Variants in TMEM219 observed in about 807,000 individuals in gnomAD.
The protein encoded by TMEM219 is insulin-like growth factor-binding protein 3 receptor.
A neutral mutation model predicts 17.9 loss-of-function variants in TMEM219; 18 were observed. That is an observed-to-expected ratio of 1.01 (90% confidence interval 0.70 to 1.49). The LOEUF (loss-of-function observed/expected upper bound fraction) is 1.49, where lower values mean the gene tolerates loss of function less well. Among genes scored for constraint, TMEM219 ranks in the 40% most tolerant of loss-of-function variants. The pLI is 0.00. For missense variants in TMEM219, 288 were observed against 292.4 expected, an observed-to-expected ratio of 0.99 and a Z score of 0.11; for synonymous variants, 113 against 124.0, an observed-to-expected ratio of 0.91 and a Z score of 0.59.
chr16:29,963,322 C>A lies in TMEM219; in HGVS notation c.165+14C>A. 1.2e-6 allele frequency: 2 copies of A among 1,613,986 alleles called. No homozygotes were observed. The highest frequency in any genetic ancestry group is 1.7e-6 in the Non-Finnish European group (2 of 1,179,850). Reference sequence around the variant, plus strand: ...GACATCCCCCAGGTAAGTTCCCCACCCCCGTACCCGCTCTTCCTTCCAACC... The same window carrying A: ...GACATCCCCCAGGTAAGTTCCCCACACCCGTACCCGCTCTTCCTTCCAACC... On this transcript the variant is annotated intron_variant, in intron 2 of 5. Transcript: ENST00000279396.
At chr16:29,971,628 G>C (rs1189351012) in intron 5 of TMEM219, 50 bp downstream of exon 5, 13 of 1,436,948 alleles carry the variant, frequency 9.0e-6, no homozygotes, top group Non-Finnish European at 1.2e-5. Flanking sequence ...GGGTGGGGGT[G>C]GGGGTTGTAA....
chr16:29,970,949 GA>G (rs1176077474), intron 4 of TMEM219, among the ~76,000 whole-genome samples: 1,311 of 94,816 alleles, frequency 0.014, 9 homozygotes, highest in African/African-American at 0.036. Flanking sequence ...GCCTCAAAAA[GA>G]AAAAAAAAAA....
At chr16:29,971,349 T>C in intron 4 of TMEM219, 59 bp from the exon 5 acceptor site, 1 of 1,607,198 alleles carries the variant, frequency 6.2e-7, no homozygotes. Flanking sequence ...AGGCTCCTTC[T>C]ATAGCCCTTG....
chr16:29,969,550 A>G (rs1014112580), intron 4 of TMEM219, among the ~76,000 whole-genome samples: 1 of 151,726 alleles, frequency 6.6e-6, no homozygotes, highest in African/African-American at 2.4e-5. Context: ...GTGGTGGTAC[A>G]CACCTATAGT....
chr16:29,971,255 A>T (rs1343610886), intron 4 of TMEM219, among the ~76,000 whole-genome samples, 153 bp from the exon 5 acceptor site: 2 of 151,730 alleles, frequency 1.3e-5, no homozygotes, highest in African/African-American at 4.8e-5. Context: ...CAAAAAAAAA[A>T]AAAAAAGACA....
At chr16:29,964,728 C>G (rs1183025474) in intron 3 of TMEM219, among the ~76,000 whole-genome samples, 1 of 148,560 alleles carries the variant, frequency 6.7e-6, no homozygotes, top group South Asian at 2.2e-4. Context: ...ACTGTGGGGT[C>G]GGGTATCAGA....
intron 1 of TMEM219, among the ~76,000 whole-genome samples, chr16:29,962,417 C>T (rs1170298791): frequency 1.3e-5 from 2 of 152,150 alleles, no homozygotes; most frequent in African/African-American, 4.8e-5. Flanking sequence ...GGCCGTCGCA[C>T]CTTGCGTGGG....
chr16:29,963,003 C>T (rs954694163), intron 1 of TMEM219, 104 bp from the exon 2 acceptor site: 1 of 937,218 alleles, frequency 1.1e-6, no homozygotes, highest in South Asian at 1.6e-5. Flanking sequence ...TCTGGCTCTG[C>T]CACTTACTGT....
chr16:29,969,424 T>C (rs552735984), intron 4 of TMEM219, among the ~76,000 whole-genome samples: 2 of 152,158 alleles, frequency 1.3e-5, no homozygotes, highest in East Asian at 3.9e-4. Context: ...CTCAATCTCC[T>C]GACCTCGTGA....
Position 29,968,051 on chromosome 16 carries a change from A to G in TMEM219, c.382A>G (p.Ile128Val), listed in dbSNP as rs201405792. 2.5e-4 allele frequency: 405 copies of G among 1,614,132 alleles called. 4 individuals are homozygous for G. The South Asian group carries it at 4.0e-3, about 16-fold the overall frequency. Reference protein sequence around the residue: ...KGSSAGQLVLITARVTTERTA... With the variant: ...KGSSAGQLVLVTARVTTERTA... ...ATCTTCTGCAGGACAACTGGTCCTTATCACAGCCAGGGTGACCACAGAAAG... is the reference window on the plus strand; with the variant it reads ...ATCTTCTGCAGGACAACTGGTCCTTGTCACAGCCAGGGTGACCACAGAAAG... The change falls in exon 4 of 6, where the codon ATC (isoleucine) becomes GTC (valine). Residue 128 changes from isoleucine to valine, a missense_variant. Physicochemically the swap from Ile to Val is conservative, Grantham distance 29 (BLOSUM62 3). Coordinates refer to ENST00000279396, the MANE Select transcript of TMEM219 (RefSeq NM_001083613.2).
chr16:29,971,656 C>A, intron 5 of TMEM219, 78 bp downstream of exon 5: 1 of 1,415,424 alleles, frequency 7.1e-7, no homozygotes, highest in Non-Finnish European at 9.6e-7. Flanking sequence ...AGAGCAGATC[C>A]TTGGACTTTT....
At chr16:29,971,177 C>T (rs1481346816) in intron 4 of TMEM219, among the ~76,000 whole-genome samples, 3 of 150,164 alleles carry the variant, frequency 2.0e-5, no homozygotes, top group Admixed American at 6.7e-5. Context: ...ACCCAGGAGG[C>T]GGAGCTTGCA....
At chr16:29,967,151 G>T (rs146187130) in intron 3 of TMEM219, among the ~76,000 whole-genome samples, 1 of 152,112 alleles carries the variant, frequency 6.6e-6, no homozygotes, top group African/African-American at 2.4e-5. Flanking sequence ...GTATTAGTAT[G>T]GTTGTTGTAT....
Position 29,971,618 on chromosome 16 carries a change from G to C in TMEM219, c.*33+40G>C, listed in dbSNP as rs2069290437. The C allele has an allele frequency of 2.7e-6, 4 of 1,480,366 alleles. 1 individual carries two copies. In the Admixed American group the frequency reaches 7.0e-5, roughly 26 times the overall value. The allele number at this position is 1,480,366 out of a possible 1,614,324, so 91.7% of individuals were successfully genotyped here. On this transcript the variant is annotated intron_variant, in intron 5 of 5. Coordinates refer to ENST00000279396, the MANE Select transcript of TMEM219 (RefSeq NM_001083613.2). The stretch of plus-strand genomic sequence containing the variant: ...TCCAGTCCTGCGGGAGCAGGGAATG[G>C]GGTGGGGGTGGGGGTTGTAACCGGG...
chr16:29,972,289 C>T (rs1366000112), intron 5 of TMEM219: 1 of 152,200 alleles, frequency 6.6e-6, no homozygotes, highest in South Asian at 2.1e-4. Flanking sequence ...ACTGATGATA[C>T]TCATTTACTG....
At chr16:29,963,021 T>C (rs757792314) in intron 1 of TMEM219, 86 bp from the exon 2 acceptor site, 2 of 1,185,916 alleles carry the variant, frequency 1.7e-6, no homozygotes, top group Non-Finnish European at 2.4e-6. Context: ...TGTGTGGCCT[T>C]GGGAAGTCCT....
Position 29,968,214 on chromosome 16 carries a change from G to A in TMEM219, c.545G>A (p.Trp182Ter), listed in dbSNP as rs1446113380. The A allele has an allele frequency of 5.0e-6, 8 of 1,614,064 alleles. No individual in the cohort carries two copies. The highest frequency in any genetic ancestry group is 6.8e-6 in the Non-Finnish European group (8 of 1,180,048). ...ATGGGTGAGGAATGTGTTAGTGTCT[G>A]GAGCCATGAAGGCCTTGTGCTGACC... is the stretch of plus-strand genomic sequence containing the variant. ...PRMGEECVSV[W>*]SHEGLVLTKL... is the part of the protein sequence containing the mutation. Residue 182 changes from tryptophan (W) to a stop codon, truncating the protein, a stop_gained, in exon 4 of 6, where the codon TGG becomes TAG. Coordinates refer to ENST00000279396, the MANE Select transcript of TMEM219 (RefSeq NM_001083613.2). LOFTEE classifies it high-confidence loss of function.
chr16:29,962,309 G>T (rs909501973), intron 1 of TMEM219, among the ~76,000 whole-genome samples, 177 bp downstream of exon 1: 2 of 152,174 alleles, frequency 1.3e-5, no homozygotes, highest in Non-Finnish European at 2.9e-5. Context: ...GGGAGGCGGG[G>T]CAGGGCTGAG....
chr16:29,964,576 G>A (rs1258521226), intron 3 of TMEM219, among the ~76,000 whole-genome samples: 2 of 151,740 alleles, frequency 1.3e-5, no homozygotes, highest in African/African-American at 4.8e-5. Context: ...CAGGAGAATC[G>A]CTTGAACCTG....
Sources: gnomAD v4.1 joint callset for allele counts (sites outside exome capture counted in the v4.1 genomes callset) on GRCh38, gnomAD v4.1.1 for gene constraint, MANE v1.5 for transcripts, NCBI Gene and HGNC (gene_info 2026-07-23, HGNC 2026-07-21) for gene names.